PYCR2: variants seen among roughly 807,000 people sequenced by gnomAD.
PYCR2 encodes the protein pyrroline-5-carboxylate reductase 2, also known as P5C reductase 2.
A neutral mutation model predicts 23.4 loss-of-function variants in PYCR2; 17 were observed. That is an observed-to-expected ratio of 0.73 (90% CI 0.50 to 1.09). The LOEUF (loss-of-function observed/expected upper bound fraction) is 1.09. Among genes scored for constraint, PYCR2 ranks in the 50% least tolerant of loss-of-function variants. The pLI, the probability that PYCR2 is intolerant of heterozygous loss-of-function variation, is 0.00. For synonymous variants in PYCR2, 172 were observed against 176.6 expected (o/e 0.97, Z 0.21); for missense variants, 380 against 423.5 (o/e 0.90, Z 0.90).
chr1:225,921,516 A>C lies in PYCR2; in HGVS notation c.633+36T>G. ...TGATGCACAAGAACCCCCATTCTAC[A>C]CCCTGGTCCTGAACATGCGGGGGAA... On this transcript the variant is annotated intron_variant, in intron 5 of 6. Transcript: ENST00000343818. The surrounding 1 kb of genome is among the most constrained non-coding windows in gnomAD (Gnocchi z 4.2). 6.2e-7 allele frequency: 1 copy of C among 1,610,098 alleles called. No homozygotes were observed.
Position 225,921,393 on chromosome 1 carries a change from G to A in PYCR2, c.634-22C>T. 6.5e-7 allele frequency: 1 copy of A among 1,531,388 alleles called. No homozygotes were observed. Among genetic ancestry groups the A allele is most frequent in the Non-Finnish European group, 9.0e-7 (1 of 1,107,376 alleles). 94.9% of individuals were successfully genotyped at this position (1,531,388 alleles called of 1,614,324 possible). ...CTCCCTATGGGGAAGGGCACATTAG[G>A]AGAAAGTTGCTGGTGTGCGTTGGAA... On this transcript the variant is annotated intron_variant, in intron 5 of 6. Coordinates refer to ENST00000343818, the MANE Select transcript of PYCR2 (RefSeq NM_013328.4). The surrounding 1 kb of genome is among the most constrained non-coding windows in gnomAD (Gnocchi z 4.2).
At position 225,920,302 on chromosome 1, in the gene PYCR2, G is replaced by A. The variant is rs1671801664; in HGVS notation, c.*153C>T. On this transcript the variant is annotated 3_prime_UTR_variant, in exon 7 of 7. Coordinates refer to ENST00000343818, the MANE Select transcript of PYCR2 (RefSeq NM_013328.4). ...ATTGCTTGGTCTGAACAGATTTAAG[G>A]AGGTTTTATCACAAGGACCTGAAAA... 3.0e-6 allele frequency: 2 copies of A among 660,240 alleles called. No individual in the cohort carries two copies. The highest frequency in any genetic ancestry group is 3.6e-5 in the Admixed American group (1 of 27,748). 40.9% of individuals were successfully genotyped at this position (660,240 alleles called of 1,614,324 possible).
intron 2 of PYCR2, 200 bp from the exon 3 acceptor site, chr1:225,922,583 G>C: frequency 1.7e-6 from 1 of 584,170 alleles, no homozygotes; most frequent in South Asian, 2.4e-5. Flanking sequence ...CACAGGCTTG[G>C]AGCATGACAA....
Position 225,924,075 on chromosome 1 carries a change from G to A in PYCR2, c.36C>T (p.Ala12=). 2 of 1,545,328 alleles carry A rather than the reference G, an allele frequency of 1.3e-6. No homozygotes were observed. The highest frequency in any genetic ancestry group is 1.7e-6 in the Non-Finnish European group (2 of 1,148,244). Residue 12 remains alanine, a synonymous_variant, in exon 1 of 7, where the codon GCC becomes GCT. Transcript: ENST00000343818. Reference sequence around the variant, plus strand: ...CCGTGAAGCCCCGCGCCAGAGCATAGGCCAGCTGGCCGGCCCCGATGAAGC... The same window carrying A: ...CCGTGAAGCCCCGCGCCAGAGCATAAGCCAGCTGGCCGGCCCCGATGAAGC... ...SVGFIGAGQL[A]YALARGFTAA... is the part of the protein sequence containing the mutation.
chr1:225,920,933 G>GT (rs1671819276), intron 6 of PYCR2, among the ~76,000 whole-genome samples: 1 of 152,186 alleles, frequency 6.6e-6, no homozygotes, highest in Admixed American at 6.5e-5. Context: ...CTTTTTAACT[G>GT]TTTGACCTTG....
chr1:225,923,562 A>G (rs536656513), intron 2 of PYCR2, 139 bp downstream of exon 2: 1 of 1,513,344 alleles, frequency 6.6e-7, no homozygotes, highest in South Asian at 1.3e-5. Context: ...AGGTGGAAAG[A>G]TTGTCACGTT....
rs184130808 is a variant in PYCR2 at position 225,922,859 on chromosome 1, A to G, written c.139-476T>C. 5.4e-4 allele frequency: 208 copies of G among 386,446 alleles called. 1 individual carries two copies. Among genetic ancestry groups the G allele is most frequent in the African/African-American group, 4.2e-3 (192 of 45,614 alleles). The allele number at this position is 386,446 out of a possible 1,614,324, so 23.9% of individuals were successfully genotyped here. On this transcript the variant is annotated intron_variant, in intron 2 of 6. Coordinates refer to ENST00000343818, the MANE Select transcript of PYCR2 (RefSeq NM_013328.4). ...CTATGACTCCAAACTGAGAAGCAGG[A>G]CCCTCCAGTGCTAGGGACATCAGCC...
intron 2 of PYCR2, chr1:225,922,699 G>A: frequency 5.6e-6 from 2 of 355,384 alleles, no homozygotes; most frequent in Non-Finnish European, 1.0e-5. Flanking sequence ...GAAAGTGGCA[G>A]GGCAAAGGGA....
In PYCR2 at chr1:225,921,430, T is replaced by C; in HGVS notation, c.634-59A>G. 3 of 1,522,322 alleles carry C rather than the reference T, an allele frequency of 2.0e-6. No homozygotes were observed. Among genetic ancestry groups the C allele is most frequent in the African/African-American group, 1.4e-5 (1 of 72,938 alleles). The allele number at this position is 1,522,322 out of a possible 1,614,324, so 94.3% of individuals were successfully genotyped here. ...GGTGTGCGTTGGAACAGGCTTCCCATACCCACTGCTCCTGCCCAACTGCTA... is the reference window on the plus strand; with the variant it reads ...GGTGTGCGTTGGAACAGGCTTCCCACACCCACTGCTCCTGCCCAACTGCTA... On this transcript the variant is annotated intron_variant, in intron 5 of 6. Coordinates refer to ENST00000343818, the MANE Select transcript of PYCR2 (RefSeq NM_013328.4). The surrounding 1 kb of genome is among the most constrained non-coding windows in gnomAD (Gnocchi z 4.2).
At position 225,921,108 on chromosome 1, in the gene PYCR2, T is replaced by C. The variant is rs1002448053; in HGVS notation, c.797+100A>G. 11 of 1,258,664 alleles carry C rather than the reference T, an allele frequency of 8.7e-6. No homozygotes were observed. The South Asian group carries it at 1.1e-4, about 13-fold the overall frequency. 78.0% of individuals were successfully genotyped at this position (1,258,664 alleles called of 1,614,324 possible). A position where few individuals can be genotyped will look rare whatever the true frequency, so the allele number is the denominator to read the frequency against. On this transcript the variant is annotated intron_variant, in intron 6 of 6. Transcript: ENST00000343818. This position sits in a 1 kb window ranked among gnomAD's most constrained non-coding sequence, Gnocchi z 4.2. ...GAGCACAGACTCCAACACTGCTAAA[T>C]GGGACCCAAGACAGCAGGTTCCGCA... is the stretch of plus-strand genomic sequence containing the variant.
chr1:225,921,125 G>T lies in PYCR2; in HGVS notation c.797+83C>A, dbSNP rs1475365749. The T allele has an allele frequency of 7.3e-7, 1 of 1,377,094 alleles. No homozygotes were observed. Among genetic ancestry groups the T allele is most frequent in the Admixed American group, 2.2e-5 (1 of 46,170 alleles). 85.3% of individuals were successfully genotyped at this position (1,377,094 alleles called of 1,614,324 possible). On this transcript the variant is annotated intron_variant, in intron 6 of 6. Coordinates refer to ENST00000343818, the MANE Select transcript of PYCR2 (RefSeq NM_013328.4). The surrounding 1 kb of genome is among the most constrained non-coding windows in gnomAD (Gnocchi z 4.2). ...CTGCTAAATGGGACCCAAGACAGCA[G>T]GTTCCGCAAATGGTGCTCAACCCAG...
chr1:225,919,982 T>C lies in PYCR2; in HGVS notation c.*473A>G, dbSNP rs545967465. 1.3e-5 allele frequency: 2 copies of C among 153,918 alleles called. No homozygotes were observed. Among genetic ancestry groups the C allele is most frequent in the Admixed American group, 1.3e-4 (2 of 15,548 alleles). 9.5% of individuals were successfully genotyped at this position (153,918 alleles called of 1,614,324 possible). A position where few individuals can be genotyped will look rare whatever the true frequency, so the allele number is the denominator to read the frequency against. Reference sequence around the variant, plus strand: ...AGAGTTAAATATAAACCCAGTCTAATCCTGTACACTTGTGATTAATTGTGA... The same window carrying C: ...AGAGTTAAATATAAACCCAGTCTAACCCTGTACACTTGTGATTAATTGTGA... On this transcript the variant is annotated 3_prime_UTR_variant, in exon 7 of 7. Coordinates refer to ENST00000343818, the MANE Select transcript of PYCR2 (RefSeq NM_013328.4).
chr1:225,920,210 G>A lies in PYCR2; in HGVS notation c.*245C>T, dbSNP rs985024442. 2 of 294,578 alleles carry A rather than the reference G, an allele frequency of 6.8e-6. No individual in the cohort carries two copies. The highest frequency in any genetic ancestry group is 4.4e-5 in the African/African-American group (2 of 45,480). 18.2% of individuals were successfully genotyped at this position (294,578 alleles called of 1,614,324 possible). ...AACTGAGCAGCGTACGCAGGGTTGT[G>A]TCTGGCTTCCAGCATCTACCACCCC... On this transcript the variant is annotated 3_prime_UTR_variant, in exon 7 of 7. Transcript: ENST00000343818.
At chr1:225,923,036 A>G (rs935916076) in intron 2 of PYCR2, 4 of 976,678 alleles carry the variant, frequency 4.1e-6, no homozygotes, top group South Asian at 9.4e-5. Flanking sequence ...ACGACTCAGA[A>G]TAACAGCAAA....
At position 225,922,398 on chromosome 1, in the gene PYCR2, T is replaced by A. The variant is rs760402179; in HGVS notation, c.139-15A>T. Reference sequence around the variant, plus strand: ...ACACCCATCTTCTGCAAGAGGAGACTCCCAGCTCACAGTGCTGGAGCAGCC... The same window carrying A: ...ACACCCATCTTCTGCAAGAGGAGACACCCAGCTCACAGTGCTGGAGCAGCC... On this transcript the variant is annotated splice_polypyrimidine_tract_variant and intron_variant, in intron 2 of 6. Transcript: ENST00000343818. 2 of 1,603,120 alleles carry A rather than the reference T, an allele frequency of 1.2e-6. No homozygotes were observed. The highest frequency in any genetic ancestry group is 2.7e-5 in the African/African-American group (2 of 74,882).
chr1:225,922,266 C>A lies in PYCR2; in HGVS notation c.256G>T (p.Val86Leu). Residue 86 changes from valine to leucine, a missense_variant, in exon 3 of 7, where the codon GTG becomes TTG. By Grantham distance (32) the Val-to-Leu change is conservative. Coordinates refer to ENST00000343818, the MANE Select transcript of PYCR2 (RefSeq NM_013328.4). ...GAGACCACGATGTGTCTGGCTTGCA[C>A]GTCGGCCCCAATCTCATCCAGGATG... ...PFILDEIGAD[V>L]QARHIVVSCA... The A allele has an allele frequency of 6.2e-7, 1 of 1,614,204 alleles. No individual in the cohort carries two copies. Among genetic ancestry groups the A allele is most frequent in the Non-Finnish European group, 8.5e-7 (1 of 1,180,028 alleles).
rs75484905 is a variant in PYCR2, at chr1:225,920,220, C to T, written c.*235G>A. ...CGTACGCAGGGTTGTGTCTGGCTTC[C>T]AGCATCTACCACCCCTTCAGAGCAA... On this transcript the variant is annotated 3_prime_UTR_variant, in exon 7 of 7. Transcript: ENST00000343818. 2,784 of 316,158 alleles carry T rather than the reference C, an allele frequency of 8.8e-3. 83 individuals are homozygous for T. The highest frequency in any genetic ancestry group is 0.083 in the East Asian group (1,450 of 17,532). The allele number at this position is 316,158 out of a possible 1,614,324, so 19.6% of individuals were successfully genotyped here. A position where few individuals can be genotyped will look rare whatever the true frequency, so the allele number is the denominator to read the frequency against.
rs762573149 is a variant in PYCR2, at chr1:225,922,356, T to TGCTGCGTGTCA, written c.155_165dup (p.Asn56Ter). The TGCTGCGTGTCA allele has an allele frequency of 2.5e-6, 4 of 1,613,868 alleles. No homozygotes were observed. On this transcript the variant is annotated stop_gained and frameshift_variant, in exon 3 of 7. Transcript: ENST00000343818. LOFTEE classifies it high-confidence loss of function. ...TCGCTGTGCTTCACCGTCTCCTTGT[T>TGCTGCGTGTCA]GCTGCGTGTCAGGTTCACACCCATC...
Position 225,921,155 on chromosome 1 carries a change from G to C in PYCR2, c.797+53C>G. ...CGCAAATGGTGCTCAACCCAGCCCA[G>C]GGACCAACCAGGACTGAAGGGTCTG... On this transcript the variant is annotated intron_variant, in intron 6 of 6. Transcript: ENST00000343818. The surrounding 1 kb of genome is among the most constrained non-coding windows in gnomAD (Gnocchi z 4.2). 2 of 1,537,880 alleles carry C rather than the reference G, an allele frequency of 1.3e-6. No homozygotes were observed. Among genetic ancestry groups the C allele is most frequent in the Non-Finnish European group, 1.8e-6 (2 of 1,129,946 alleles).
Sources: allele counts gnomAD v4.1 joint callset (sites outside exome capture counted in the v4.1 genomes callset), GRCh38; gene constraint gnomAD v4.1.1; non-coding constraint Gnocchi (gnomAD v3.1); transcripts MANE v1.5; gene names NCBI Gene and HGNC (gene_info 2026-07-23, HGNC 2026-07-21).